The following SLC31A2 variants were observed in gnomAD, a reference collection of about 807,000 sequenced individuals.
SLC31A2 encodes the protein protein SLC31A2.
A neutral mutation model predicts 14.4 loss-of-function variants in SLC31A2; 16 were observed. The ratio of observed to expected loss-of-function variants is 1.11; its 90% confidence interval spans 0.75 to 1.69. The LOEUF is 1.69. Ranked by LOEUF, SLC31A2 falls within the 40% of genes most tolerant of loss-of-function variation. SLC31A2 has a pLI of 0.00. For synonymous variants in SLC31A2, 56 were observed against 68.7 expected (o/e 0.82, Z 0.91); for missense variants, 140 against 173.9 (o/e 0.81, Z 1.10).
intron 3 of SLC31A2, chr9:113,162,186 C>T (rs1451921809): frequency 1.4e-5 from 4 of 295,620 alleles, no homozygotes; most frequent in Non-Finnish European, 2.6e-5. Context: ...CTCACCTGTG[C>T]TTAATAAGCC....
At chr9:113,159,226 G>T (rs1040619056) in intron 2 of SLC31A2, among the ~76,000 whole-genome samples, 1 of 151,928 alleles carries the variant, frequency 6.6e-6, no homozygotes, top group Non-Finnish European at 1.5e-5. Flanking sequence ...CACCTCCCAG[G>T]TTCAAGCAAT....
chr9:113,153,560 T>G (rs1207314568), intron 1 of SLC31A2, among the ~76,000 whole-genome samples: 1 of 152,156 alleles, frequency 6.6e-6, no homozygotes, highest in Admixed American at 6.5e-5. Flanking sequence ...GGGAGATAAG[T>G]GGGCTTTTAT....
intron 1 of SLC31A2, among the ~76,000 whole-genome samples, chr9:113,157,150 C>T (rs10121981): frequency 0.22 from 33,362 of 152,152 alleles, 3,754 homozygotes; most frequent in Non-Finnish European, 0.24. Flanking sequence ...TGTGAACTCA[C>T]CAAGGTCAGA....
At chr9:113,156,833 G>A (rs1040606868) in intron 1 of SLC31A2, among the ~76,000 whole-genome samples, 6 of 152,164 alleles carry the variant, frequency 3.9e-5, no homozygotes, top group South Asian at 2.1e-4. Flanking sequence ...AGGAAGCACC[G>A]TGTCCTGGAA....
chr9:113,159,193 C>G (rs1489940899), intron 2 of SLC31A2, among the ~76,000 whole-genome samples: 3 of 152,056 alleles, frequency 2.0e-5, no homozygotes, highest in African/African-American at 7.2e-5. Flanking sequence ...TGCAGTGGCG[C>G]GATCTTGGCT....
chr9:113,161,871 G>C, intron 3 of SLC31A2, 173 bp downstream of exon 3: 1 of 740,656 alleles, frequency 1.4e-6, no homozygotes, highest in Non-Finnish European at 2.4e-6. Flanking sequence ...CATGTCTCCT[G>C]ATGCCCAGGC....
At chr9:113,155,992 C>A (rs761587148) in intron 1 of SLC31A2, 15 of 516,954 alleles carry the variant, frequency 2.9e-5, no homozygotes, top group African/African-American at 2.7e-4. Context: ...TTGGAGACGA[C>A]TAGAACATGC....
chr9:113,162,976 A>T lies in SLC31A2; in HGVS notation c.*59A>T. On this transcript the variant is annotated 3_prime_UTR_variant, in exon 4 of 4. Transcript: ENST00000259392. Reference sequence around the variant, plus strand: ...GGACATGGAGCCCCCTCTTCCAGACACTATACTTCCAACTGCCCTTTCTTC... The same window carrying T: ...GGACATGGAGCCCCCTCTTCCAGACTCTATACTTCCAACTGCCCTTTCTTC... The T allele has an allele frequency of 7.0e-7, 1 of 1,420,980 alleles. No homozygotes were observed. Among genetic ancestry groups the T allele is most frequent in the South Asian group, 1.4e-5 (1 of 69,158 alleles). The allele number at this position is 1,420,980 out of a possible 1,614,324, so 88.0% of individuals were successfully genotyped here.
rs1174631287 is a variant in SLC31A2 at position 113,157,813 on chromosome 9, G to C, written c.73+20G>C. The C allele has an allele frequency of 6.2e-7, 1 of 1,602,052 alleles. No individual in the cohort carries two copies. ...CTGCTGGTAAGAATTGGGGACCTCA[G>C]ACTTGTAGCTTGGAAAGCCTTGTAG... is the stretch of plus-strand genomic sequence containing the variant. On this transcript the variant is annotated intron_variant, in intron 2 of 3. Transcript: ENST00000259392.
rs200054929 is a variant in SLC31A2, at chr9:113,163,476, T to TA, written c.*560dup. 1,130 of 152,784 alleles carry TA rather than the reference T, an allele frequency of 7.4e-3. 4 individuals are homozygous for TA. The highest frequency in any genetic ancestry group is 0.012 in the Admixed American group (191 of 15,302). 9.5% of individuals were successfully genotyped at this position (152,784 alleles called of 1,614,324 possible). A position where few individuals can be genotyped will look rare whatever the true frequency, so the allele number is the denominator to read the frequency against. On this transcript the variant is annotated 3_prime_UTR_variant, in exon 4 of 4. Transcript: ENST00000259392. ...TCATGTTGACAAACTAAGTTTTTTT[T>TA]ATTTTTCCCATTGAACTCCTAGTTG...
intron 2 of SLC31A2, among the ~76,000 whole-genome samples, chr9:113,160,287 C>G (rs901337015): frequency 3.9e-5 from 6 of 152,234 alleles, no homozygotes; most frequent in African/African-American, 1.4e-4. Flanking sequence ...CCAGGCCCTC[C>G]CTGGGCTTGC....
At chr9:113,156,488 G>C (rs553061093) in intron 1 of SLC31A2, among the ~76,000 whole-genome samples, 1 of 152,324 alleles carries the variant, frequency 6.6e-6, no homozygotes, top group Non-Finnish European at 1.5e-5. Context: ...GAAGAAAGCT[G>C]AAAGCCATGG....
Position 113,151,324 on chromosome 9 carries a change from C to T in SLC31A2, c.6+244C>T, listed in dbSNP as rs1027383934. 1.3e-5 allele frequency among the ~76,000 whole-genome samples: 2 copies of T among 152,106 alleles called. No individual in the cohort carries two copies. Among genetic ancestry groups the T allele is most frequent in the Non-Finnish European group, 2.9e-5 (2 of 68,018 alleles). ...GCAGTCCGGCTAGGCGAGCAGTTAC[C>T]GAGCGCCCGCGGTGGCGCGGCTTGA... On this transcript the variant is annotated intron_variant, in intron 1 of 3. Transcript: ENST00000259392. This position sits in a 1 kb window ranked among gnomAD's most constrained non-coding sequence, Gnocchi z 4.2.
rs143966010 is a variant in SLC31A2, at chr9:113,151,058, C to G, written c.-17C>G. ...AGCGAGCAGACGCGGCCCTGGCGCC[C>G]GCCCTGCGCACTCACCATGGCGGTA... On this transcript the variant is annotated 5_prime_UTR_variant, in exon 1 of 4. Transcript: ENST00000259392. The surrounding 1 kb of genome is among the most constrained non-coding windows in gnomAD (Gnocchi z 4.2). 32,159 of 1,306,260 alleles carry G rather than the reference C, an allele frequency of 0.025. 483 individuals carry two copies. Among genetic ancestry groups the G allele is most frequent in the Middle Eastern group, 0.049 (224 of 4,598 alleles). 80.9% of individuals were successfully genotyped at this position (1,306,260 alleles called of 1,614,324 possible). A position where few individuals can be genotyped will look rare whatever the true frequency, so the allele number is the denominator to read the frequency against.
Position 113,151,378 on chromosome 9 carries a change from T to A in SLC31A2, c.6+298T>A, listed in dbSNP as rs1376980722. On this transcript the variant is annotated intron_variant, in intron 1 of 3. Transcript: ENST00000259392. This position sits in a 1 kb window ranked among gnomAD's most constrained non-coding sequence, Gnocchi z 4.2. Reference sequence around the variant, plus strand: ...TGGGGGCGCGGTGGCTGAAGACAGCTGGGTCCGGGGCCCCCGGCCCCGGAC... The same window carrying A: ...TGGGGGCGCGGTGGCTGAAGACAGCAGGGTCCGGGGCCCCCGGCCCCGGAC... 6.7e-6 allele frequency among the ~76,000 whole-genome samples: 1 copy of A among 150,300 alleles called. No homozygotes were observed. The highest frequency in any genetic ancestry group is 1.5e-5 in the Non-Finnish European group (1 of 67,644).
chr9:113,161,969 A>G, intron 3 of SLC31A2: 1 of 543,374 alleles, frequency 1.8e-6, no homozygotes, highest in South Asian at 1.8e-5. Context: ...GCCCCTATCT[A>G]GCAAATGAGG....
chr9:113,151,066 G>T lies in SLC31A2; in HGVS notation c.-9G>T. 2 of 1,308,624 alleles carry T rather than the reference G, an allele frequency of 1.5e-6. No individual in the cohort carries two copies. The highest frequency in any genetic ancestry group is 2.0e-6 in the Non-Finnish European group (2 of 1,021,448). 81.1% of individuals were successfully genotyped at this position (1,308,624 alleles called of 1,614,324 possible). A position where few individuals can be genotyped will look rare whatever the true frequency, so the allele number is the denominator to read the frequency against. On this transcript the variant is annotated 5_prime_UTR_variant, in exon 1 of 4. Coordinates refer to ENST00000259392, the MANE Select transcript of SLC31A2 (RefSeq NM_001860.3). This position sits in a 1 kb window ranked among gnomAD's most constrained non-coding sequence, Gnocchi z 4.2. ...GACGCGGCCCTGGCGCCCGCCCTGC[G>T]CACTCACCATGGCGGTAAGGGCCGG...
At chr9:113,161,811 A>G in intron 3 of SLC31A2, 113 bp downstream of exon 3, 1 of 1,215,302 alleles carries the variant, frequency 8.2e-7, no homozygotes, top group Non-Finnish European at 1.2e-6. Flanking sequence ...GGCCCAGGGA[A>G]GGACCAGGAC....
Position 113,162,998 on chromosome 9 carries a change from C to A in SLC31A2, c.*81C>A. 1 of 1,259,906 alleles carries A rather than the reference C, an allele frequency of 7.9e-7. No individual in the cohort carries two copies. The allele number at this position is 1,259,906 out of a possible 1,614,324, so 78.0% of individuals were successfully genotyped here. Reference sequence around the variant, plus strand: ...GACACTATACTTCCAACTGCCCTTTCTTCTGATGGCTATTCCTCCACCTTA... The same window carrying A: ...GACACTATACTTCCAACTGCCCTTTATTCTGATGGCTATTCCTCCACCTTA... On this transcript the variant is annotated 3_prime_UTR_variant, in exon 4 of 4. Coordinates refer to ENST00000259392, the MANE Select transcript of SLC31A2 (RefSeq NM_001860.3).
Sources: allele counts gnomAD v4.1 joint callset (sites outside exome capture counted in the v4.1 genomes callset), GRCh38; gene constraint gnomAD v4.1.1; non-coding constraint Gnocchi (gnomAD v3.1); transcripts MANE v1.5; gene names NCBI Gene and HGNC (gene_info 2026-07-23, HGNC 2026-07-21).